The following CTNND2 variants were observed in gnomAD, a reference collection of about 807,000 sequenced individuals.
CTNND2 encodes catenin delta 2.
CTNND2 carries 22 observed loss-of-function variants against 144.4 expected under a neutral mutation model. That is an observed-to-expected ratio of 0.15 (90% confidence interval 0.11 to 0.22). The LOEUF is 0.22. CTNND2 is among the 10% of genes least tolerant of loss of function. CTNND2 has a pLI of 1.00. For missense variants in CTNND2, 1,353 were observed against 1,618.8 expected (o/e 0.84, Z 2.82); for synonymous variants, 751 against 695.6 (o/e 1.08, Z -1.25).
chr5:11,264,205 G>A (rs1263452275), intron 9 of CTNND2, among the ~76,000 whole-genome samples: 3 of 152,162 alleles, frequency 2.0e-5, no homozygotes, highest in Non-Finnish European at 4.4e-5. Context: ...GATATTATGG[G>A]TTGAATTGTG....
rs142163506 is a variant in CTNND2, at chr5:11,519,008, A to AACACAC, written c.287+45930_287+45935dup. Among the ~76,000 whole-genome samples, 115 of 147,670 alleles carry AACACAC rather than the reference A, an allele frequency of 7.8e-4. 1 individual carries two copies. The highest frequency in any genetic ancestry group is 1.2e-3 in the African/African-American group (48 of 39,462). ...TTTCCCTATTTCCTCTCCCTATCTC[A>AACACAC]ACACACACACACACACACACAAATT... On this transcript the variant is annotated intron_variant, in intron 3 of 21. Coordinates refer to ENST00000304623, the MANE Select transcript of CTNND2 (RefSeq NM_001332.4).
intron 1 of CTNND2, among the ~76,000 whole-genome samples, chr5:11,861,425 A>T (rs1283364624): frequency 1.3e-5 from 2 of 152,234 alleles, no homozygotes. Flanking sequence ...GCTATGCCAA[A>T]AACTGGGAGT....
At chr5:11,222,704 G>A (rs1438351624) in intron 10 of CTNND2, among the ~76,000 whole-genome samples, 4 of 152,146 alleles carry the variant, frequency 2.6e-5, no homozygotes, top group Non-Finnish European at 4.4e-5. Context: ...TCCTTGGATG[G>A]CCAAAGCAGG....
intron 3 of CTNND2, among the ~76,000 whole-genome samples, chr5:11,549,576 T>A (rs1775583446): frequency 6.6e-6 from 1 of 152,084 alleles, no homozygotes; most frequent in Admixed American, 6.6e-5. Flanking sequence ...ATTCAAACAA[T>A]TCCAGTGTTT....
intron 2 of CTNND2, among the ~76,000 whole-genome samples, chr5:11,699,615 T>C (rs1385712534): frequency 2.0e-5 from 3 of 152,132 alleles, no homozygotes; most frequent in African/African-American, 4.8e-5. Context: ...AGGGCCGAGA[T>C]GAAAGGAATA....
At chr5:11,641,105 G>A (rs1172513158) in intron 2 of CTNND2, among the ~76,000 whole-genome samples, 1 of 152,070 alleles carries the variant, frequency 6.6e-6, no homozygotes, top group Admixed American at 6.6e-5. Context: ...ATTCAAGGTC[G>A]TTCTGAGCAC....
chr5:11,631,231 G>T (rs756874930), intron 2 of CTNND2, among the ~76,000 whole-genome samples: 22 of 152,128 alleles, frequency 1.4e-4, no homozygotes, highest in Non-Finnish European at 2.1e-4. Flanking sequence ...AATATTGAAA[G>T]TTTTAAAGGA....
chr5:11,400,191 T>C (rs117629310), intron 5 of CTNND2, among the ~76,000 whole-genome samples: 1,892 of 152,218 alleles, frequency 0.012, 75 homozygotes, highest in East Asian at 0.12. Context: ...GAGGCTGTGG[T>C]CCTGAACCTA....
chr5:11,863,619 G>C (rs1159844359), intron 1 of CTNND2, among the ~76,000 whole-genome samples: 1 of 152,152 alleles, frequency 6.6e-6, no homozygotes, highest in Non-Finnish European at 1.5e-5. Context: ...TCTGAGCACT[G>C]GAAGGCCAAC....
At chr5:11,578,601 C>T in intron 2 of CTNND2, among the ~76,000 whole-genome samples, 1 of 151,866 alleles carries the variant, frequency 6.6e-6, no homozygotes, top group East Asian at 1.9e-4. Context: ...GCAGAGGTTG[C>T]AGTGAGCTGA....
At chr5:11,264,296 T>C (rs566213561) in intron 9 of CTNND2, among the ~76,000 whole-genome samples, 3 of 152,186 alleles carry the variant, frequency 2.0e-5, no homozygotes, top group Non-Finnish European at 4.4e-5. Context: ...TTTGCAGATG[T>C]AAGTAAGTTA....
At chr5:11,867,104 C>T (rs1469132631) in intron 1 of CTNND2, among the ~76,000 whole-genome samples, 1 of 152,220 alleles carries the variant, frequency 6.6e-6, no homozygotes, top group East Asian at 1.9e-4. Context: ...ACTGCCAATG[C>T]ATAATGACCT....
At chr5:11,320,466 A>C (rs1199055006) in intron 9 of CTNND2, among the ~76,000 whole-genome samples, 1 of 152,226 alleles carries the variant, frequency 6.6e-6, no homozygotes, top group Non-Finnish European at 1.5e-5. Context: ...AGAACTGAAA[A>C]GGAAAAAGTA....
At position 11,014,797 on chromosome 5, in the gene CTNND2, C is replaced by T. The variant is rs951695548; in HGVS notation, c.3084+3177G>A. Among the ~76,000 whole-genome samples the T allele has an allele frequency of 2.6e-5, 4 of 152,142 alleles. 1 individual carries two copies. Among genetic ancestry groups the T allele is most frequent in the South Asian group, 4.2e-4 (2 of 4,814 alleles). The stretch of plus-strand genomic sequence containing the variant: ...AGAAAATGAGCATGACAGATGGCGC[C>T]GAATTCTGTTCCACGGACATGTAAC... On this transcript the variant is annotated intron_variant, in intron 18 of 21. Transcript: ENST00000304623.
intron 1 of CTNND2, among the ~76,000 whole-genome samples, chr5:11,824,900 T>C (rs1316717586): frequency 6.6e-6 from 1 of 152,072 alleles, no homozygotes; most frequent in Non-Finnish European, 1.5e-5. Context: ...GGAACAATAA[T>C]AGCTGCAAGA....
intron 12 of CTNND2, among the ~76,000 whole-genome samples, chr5:11,159,259 A>C (rs1274204883): frequency 3.3e-5 from 5 of 152,236 alleles, no homozygotes; most frequent in African/African-American, 1.2e-4. Context: ...ATATAATGTG[A>C]AATTACCAAG....
At chr5:11,080,045 G>T (rs1287262974) in intron 16 of CTNND2, among the ~76,000 whole-genome samples, 1 of 152,036 alleles carries the variant, frequency 6.6e-6, no homozygotes, top group Non-Finnish European at 1.5e-5. Context: ...CCTACAGATT[G>T]GGAGAAAATA....
At chr5:11,487,147 T>A (rs1390572254) in intron 3 of CTNND2, among the ~76,000 whole-genome samples, 1 of 152,202 alleles carries the variant, frequency 6.6e-6, no homozygotes. Flanking sequence ...ATATAAATGA[T>A]CATGTCAAAA....
intron 2 of CTNND2, among the ~76,000 whole-genome samples, chr5:11,608,812 A>G (rs1780182349): frequency 1.3e-5 from 2 of 152,192 alleles, no homozygotes; most frequent in Non-Finnish European, 2.9e-5. Context: ...TTTGCCTAAA[A>G]TGTTCAAATG....
Sources: gnomAD v4.1 joint callset for allele counts (sites outside exome capture counted in the v4.1 genomes callset) on GRCh38, gnomAD v4.1.1 for gene constraint, MANE v1.5 for transcripts, NCBI Gene and HGNC (gene_info 2026-07-23, HGNC 2026-07-21) for gene names.